RUNX1: variants seen among roughly 807,000 people sequenced by gnomAD.
RUNX1 encodes runt-related transcription factor 1.
In RUNX1, 19 loss-of-function variants were observed where a neutral mutation model predicts 42.8. The observed-to-expected ratio is 0.44, with a 90% CI of 0.31 to 0.65. The LOEUF (loss-of-function observed/expected upper bound fraction) is 0.65, where lower values mean the gene tolerates loss of function less well. Among genes scored for constraint, RUNX1 ranks in the 30% least tolerant of loss-of-function variants. The pLI, the probability that RUNX1 is intolerant of heterozygous loss-of-function variation, is 0.07. For missense variants in RUNX1, 528 were observed against 672.0 expected (o/e 0.79, Z 2.37); for synonymous variants, 271 against 289.4 (o/e 0.94, Z 0.64).
chr21:34,809,576 A>G (rs749964609), intron 7 of RUNX1, among the ~76,000 whole-genome samples: 1 of 152,120 alleles, frequency 6.6e-6, no homozygotes, highest in Non-Finnish European at 1.5e-5. Context: ...CACGCTTGAT[A>G]GTCTATGCTT....
rs907848194 is a variant in RUNX1, at chr21:34,887,180, T to C, written c.98-84A>G. The C allele has an allele frequency of 1.0e-5, 14 of 1,366,754 alleles. No individual in the cohort carries two copies. In the African/African-American group the frequency reaches 1.8e-4, roughly 18 times the overall value. 84.7% of individuals were successfully genotyped at this position (1,366,754 alleles called of 1,614,324 possible). On this transcript the variant is annotated intron_variant, in intron 3 of 8. Transcript: ENST00000675419. ...CCAGACGGCGACAGGGGCGCGGATC[T>C]TCAGCAAGCAGCTCCCGGGAGACCA...
Position 34,942,356 on chromosome 21 carries a change from T to C in RUNX1, c.59-49393A>G, listed in dbSNP as rs116809377. Reference sequence around the variant, plus strand: ...TCATTTGCCTGTACACTGATGACTATACCTGGTAAGGCTATATAAATGTGT... The same window carrying C: ...TCATTTGCCTGTACACTGATGACTACACCTGGTAAGGCTATATAAATGTGT... On this transcript the variant is annotated intron_variant, in intron 2 of 8. Coordinates refer to ENST00000675419, the MANE Select transcript of RUNX1 (RefSeq NM_001754.5). Among the ~76,000 whole-genome samples, 989 of 152,292 alleles carry C rather than the reference T, an allele frequency of 6.5e-3. 9 individuals are homozygous for C. The highest frequency in any genetic ancestry group is 0.015 in the African/African-American group (641 of 41,568).
chr21:34,815,005 C>T (rs17762900), intron 7 of RUNX1, among the ~76,000 whole-genome samples: 4,190 of 152,096 alleles, frequency 0.028, 80 homozygotes, highest in Admixed American at 0.051. Flanking sequence ...CTATAGCTGA[C>T]TGGCTGTGTA....
chr21:34,979,659 T>A (rs894897061), intron 2 of RUNX1, among the ~76,000 whole-genome samples: 1 of 152,238 alleles, frequency 6.6e-6, no homozygotes, highest in African/African-American at 2.4e-5. Context: ...TTGCTCAATG[T>A]TTGCTTAAAG....
At chr21:34,947,332 A>C (rs999978695) in intron 2 of RUNX1, among the ~76,000 whole-genome samples, 1 of 152,166 alleles carries the variant, frequency 6.6e-6, no homozygotes, top group Non-Finnish European at 1.5e-5. Flanking sequence ...GTGCCATATA[A>C]ACATGTATCT....
At chr21:34,889,756 GC>G (rs1224362319) in intron 3 of RUNX1, 1 of 1,158,780 alleles carries the variant, frequency 8.6e-7, no homozygotes, top group Non-Finnish European at 1.1e-6. Context: ...AGCTCGGAGG[GC>G]CCCGCCCCCG....
At chr21:34,887,420 G>GTTC in intron 3 of RUNX1, 1 of 1,360,508 alleles carries the variant, frequency 7.4e-7, no homozygotes. Flanking sequence ...CAGAGGTTAA[G>GTTC]TTCTGTCTTT....
intron 2 of RUNX1, among the ~76,000 whole-genome samples, chr21:34,941,980 C>A (rs73201092): frequency 0.11 from 17,112 of 152,060 alleles, 1,369 homozygotes; most frequent in Non-Finnish European, 0.17. Context: ...TGCAAAATAT[C>A]ATCTGATTCC....
At chr21:34,899,236 G>A (rs1283151650) in intron 2 of RUNX1, among the ~76,000 whole-genome samples, 1 of 152,122 alleles carries the variant, frequency 6.6e-6, no homozygotes, top group African/African-American at 2.4e-5. Context: ...TTAAGCTGTT[G>A]TTATGGCCTG....
chr21:34,944,377 A>G (rs1384884761), intron 2 of RUNX1, among the ~76,000 whole-genome samples: 1 of 152,230 alleles, frequency 6.6e-6, no homozygotes, highest in Admixed American at 6.5e-5. Context: ...CCTGAATTAC[A>G]CAGGAATCTG....
chr21:34,894,605 G>A (rs1159770377), intron 2 of RUNX1, among the ~76,000 whole-genome samples: 1 of 152,058 alleles, frequency 6.6e-6, no homozygotes, highest in Non-Finnish European at 1.5e-5. Context: ...CTGCAAGAGA[G>A]GGGAGGTTGC....
At chr21:34,814,978 T>C (rs147460751) in intron 7 of RUNX1, among the ~76,000 whole-genome samples, 8 of 152,184 alleles carry the variant, frequency 5.3e-5, no homozygotes, top group African/African-American at 1.7e-4. Flanking sequence ...CCCGAAAAAA[T>C]GCAGCCAGGA....
At chr21:34,987,351 C>T (rs1229046447) in intron 2 of RUNX1, among the ~76,000 whole-genome samples, 3 of 152,134 alleles carry the variant, frequency 2.0e-5, no homozygotes, top group South Asian at 2.1e-4. Flanking sequence ...GCTGCTGACA[C>T]GAGGCAGGGA....
intron 6 of RUNX1, among the ~76,000 whole-genome samples, chr21:34,853,815 A>ATTT (rs34643463): frequency 5.7e-5 from 8 of 139,154 alleles, no homozygotes; most frequent in South Asian, 2.2e-4. Context: ...TCCTTCCTTC[A>ATTT]TTTTTTTTTT....
intron 2 of RUNX1, chr21:35,038,572 CCTCTCTCTCTCT>C (rs59976658): frequency 0.11 from 34,785 of 307,390 alleles, 2,021 homozygotes; most frequent in Non-Finnish European, 0.15. Flanking sequence ...TGAATGCTGG[CCTCTCTCTCTCT>C]CTCTCTCTCT....
chr21:34,865,203 G>A (rs538438837), intron 5 of RUNX1, among the ~76,000 whole-genome samples: 145 of 152,142 alleles, frequency 9.5e-4, no homozygotes, highest in Admixed American at 2.7e-3. Context: ...ACAAAGACCA[G>A]AGCTGTGACA....
At chr21:34,949,378 C>A (rs1407956101) in intron 2 of RUNX1, among the ~76,000 whole-genome samples, 1 of 152,198 alleles carries the variant, frequency 6.6e-6, no homozygotes, top group Non-Finnish European at 1.5e-5. Context: ...AGCTGCTGAA[C>A]TGTGAAGTTA....
intron 2 of RUNX1, among the ~76,000 whole-genome samples, chr21:34,937,855 T>A (rs1244100384): frequency 6.6e-6 from 1 of 152,224 alleles, no homozygotes; most frequent in African/African-American, 2.4e-5. Context: ...TTTCTTTTTC[T>A]AAAATTGTTT....
At chr21:34,958,768 C>T (rs1380671378) in intron 2 of RUNX1, among the ~76,000 whole-genome samples, 2 of 151,276 alleles carry the variant, frequency 1.3e-5, no homozygotes, top group Admixed American at 1.3e-4. Context: ...TATTGCGGCA[C>T]TATTCACAAT....
Sources: gnomAD v4.1 joint callset for allele counts (sites outside exome capture counted in the v4.1 genomes callset) on GRCh38, gnomAD v4.1.1 for gene constraint, MANE v1.5 for transcripts, NCBI Gene and HGNC (gene_info 2026-07-23, HGNC 2026-07-21) for gene names.